Variants in GLCE observed in about 807,000 individuals in gnomAD.
GLCE encodes the protein D-glucuronyl C5-epimerase.
A neutral mutation model predicts 47.9 loss-of-function variants in GLCE; 19 were observed. The observed-to-expected ratio is 0.40, with a 90% confidence interval of 0.28 to 0.58. GLCE has a LOEUF of 0.58. Among genes scored for constraint, GLCE ranks in the 20% least tolerant of loss-of-function variants. The pLI is 0.48. For missense variants in GLCE, 556 were observed against 743.3 expected (o/e 0.75, Z 2.93); for synonymous variants, 245 against 263.4 (o/e 0.93, Z 0.68).
chr15:69,257,689 C>T (rs1324064866), intron 3 of GLCE, among the ~76,000 whole-genome samples: 3 of 152,002 alleles, frequency 2.0e-5, no homozygotes, highest in Non-Finnish European at 4.4e-5. Flanking sequence ...ACCAGATTCA[C>T]CTATACTCTT....
chr15:69,203,123 A>C (rs188190728), intron 1 of GLCE, among the ~76,000 whole-genome samples: 6 of 152,254 alleles, frequency 3.9e-5, no homozygotes, highest in Non-Finnish European at 7.4e-5. Context: ...CTGTGAACTT[A>C]GCATTTCAGT....
intron 2 of GLCE, 91 bp from the exon 3 acceptor site, chr15:69,255,703 A>G (rs2052910760): frequency 2.6e-6 from 2 of 757,600 alleles, no homozygotes; most frequent in African/African-American, 3.5e-5. Flanking sequence ...CAGTTGTTCA[A>G]CATTAAAAAA....
chr15:69,205,061 T>C (rs995701574), intron 1 of GLCE, among the ~76,000 whole-genome samples: 1 of 152,108 alleles, frequency 6.6e-6, no homozygotes, highest in Non-Finnish European at 1.5e-5. Context: ...AGTTGATATA[T>C]TTCAACATGT....
At chr15:69,223,110 T>C (rs987697887) in intron 2 of GLCE, among the ~76,000 whole-genome samples, 2 of 152,228 alleles carry the variant, frequency 1.3e-5, no homozygotes, top group Non-Finnish European at 2.9e-5. Flanking sequence ...AAAGTGAAGT[T>C]ACAGACCATT....
intron 2 of GLCE, among the ~76,000 whole-genome samples, chr15:69,246,762 C>G (rs184632787): frequency 2.6e-5 from 4 of 151,032 alleles, no homozygotes; most frequent in Admixed American, 2.0e-4. Flanking sequence ...GCTTTTTGAT[C>G]TATGGGCTTC....
rs761734152 is a variant in GLCE, at chr15:69,256,253, T to C, written c.447T>C (p.Tyr149=). ...GAAAGGTGGTTCAGTATGATGGCTA[T>C]GATCGGTTTGAATTCTCTCATAGCT... The part of the protein sequence containing the change: ...VYGKVVQYDG[Y]DRFEFSHSYS... Residue 149 remains tyrosine, a synonymous_variant, in exon 3 of 5, where the codon TAT becomes TAC. Coordinates refer to ENST00000261858, the MANE Select transcript of GLCE (RefSeq NM_015554.3). 4 of 1,614,122 alleles carry C rather than the reference T, an allele frequency of 2.5e-6. No individual in the cohort carries two copies. The highest frequency in any genetic ancestry group is 2.2e-5 in the East Asian group (1 of 44,880).
chr15:69,248,184 A>T (rs2052781717), intron 2 of GLCE, among the ~76,000 whole-genome samples: 1 of 152,312 alleles, frequency 6.6e-6, no homozygotes, highest in Middle Eastern at 3.4e-3. Context: ...CTACTTGTTT[A>T]TATTACTGGA....
At chr15:69,256,540 G>C in intron 3 of GLCE, 148 bp downstream of exon 3, 1 of 636,886 alleles carries the variant, frequency 1.6e-6, no homozygotes, top group Non-Finnish European at 2.7e-6. Flanking sequence ...GGTTAAGCCT[G>C]AACCTAGGGC....
Position 69,251,984 on chromosome 15 carries a change from C to A in GLCE, c.-13-3810C>A, listed in dbSNP as rs77199011. On this transcript the variant is annotated intron_variant, in intron 2 of 4. Coordinates refer to ENST00000261858, the MANE Select transcript of GLCE (RefSeq NM_015554.3). ...CTGTCTCCTGCTGCTTTTTTGACAC[C>A]CTTGATTTTTATTTCATTGGTAGTG... 6.3e-3 allele frequency among the ~76,000 whole-genome samples: 962 copies of A among 151,944 alleles called. 10 individuals are homozygous for A. Among genetic ancestry groups the A allele is most frequent in the African/African-American group, 0.022 (920 of 41,422 alleles).
rs1474044138 is a variant in GLCE at position 69,261,319 on chromosome 15, T to C, written c.819T>C (p.Phe273=). The C allele has an allele frequency of 1.9e-6, 3 of 1,613,770 alleles. No homozygotes were observed. The highest frequency in any genetic ancestry group is 1.1e-5 in the South Asian group (1 of 91,068). Residue 273 remains phenylalanine (F), a synonymous_variant, in exon 4 of 5, where the codon TTT becomes TTC. Transcript: ENST00000261858. The part of the protein sequence containing the change: ...DKSRFTNVKQ[F]IAPETSEGVS... ...CTAGATTCACCAATGTCAAACAGTT[T>C]ATTGCACCAGGTAAGTTATGTATTA...
At chr15:69,229,406 C>G (rs781525018) in intron 2 of GLCE, among the ~76,000 whole-genome samples, 11 of 152,038 alleles carry the variant, frequency 7.2e-5, no homozygotes, top group African/African-American at 2.2e-4. Flanking sequence ...TCAGGAATTA[C>G]AAAGGTTTGA....
At chr15:69,212,289 AT>A (rs2052243838) in intron 2 of GLCE, among the ~76,000 whole-genome samples, 2 of 151,988 alleles carry the variant, frequency 1.3e-5, no homozygotes, top group Admixed American at 1.3e-4. Context: ...ATCTATTAAA[AT>A]CATATCTTAA....
chr15:69,211,452 C>G (rs1466544670), intron 2 of GLCE, among the ~76,000 whole-genome samples: 7 of 151,878 alleles, frequency 4.6e-5, no homozygotes, highest in Non-Finnish European at 8.8e-5. Context: ...TAATATAGAA[C>G]TACATTTAGT....
chr15:69,184,516 A>T (rs1292807661), intron 1 of GLCE, among the ~76,000 whole-genome samples: 1 of 152,264 alleles, frequency 6.6e-6, no homozygotes, highest in Non-Finnish European at 1.5e-5. Flanking sequence ...CCAAGAGACC[A>T]TGTTGGTTCT....
chr15:69,243,760 T>A (rs1414385160), intron 2 of GLCE, among the ~76,000 whole-genome samples: 3 of 118,144 alleles, frequency 2.5e-5, no homozygotes, highest in East Asian at 2.7e-4. Context: ...TGCCTTTTTT[T>A]ATTATTATTT....
intron 4 of GLCE, among the ~76,000 whole-genome samples, chr15:69,265,627 T>A (rs921254301): frequency 6.6e-6 from 1 of 152,208 alleles, no homozygotes; most frequent in Admixed American, 6.5e-5. Context: ...CATCGTTCAT[T>A]ACTGAGTTCT....
chr15:69,188,455 A>G (rs1223456577), intron 1 of GLCE, among the ~76,000 whole-genome samples: 6 of 152,040 alleles, frequency 3.9e-5, no homozygotes, highest in Non-Finnish European at 8.8e-5. Flanking sequence ...CTCTTCTTCA[A>G]TTTTCTGGAT....
At chr15:69,237,546 C>T (rs983734321) in intron 2 of GLCE, among the ~76,000 whole-genome samples, 3 of 151,774 alleles carry the variant, frequency 2.0e-5, no homozygotes, top group Non-Finnish European at 4.4e-5. Flanking sequence ...TGCAGTGAGC[C>T]GAGAATGTGC....
At chr15:69,190,080 A>G (rs1279251480) in intron 1 of GLCE, among the ~76,000 whole-genome samples, 1 of 150,254 alleles carries the variant, frequency 6.7e-6, no homozygotes, top group Non-Finnish European at 1.5e-5. Context: ...TTTAGTTTCC[A>G]GATGTTTGGA....
Sources: allele counts gnomAD v4.1 joint callset (sites outside exome capture counted in the v4.1 genomes callset), GRCh38; gene constraint gnomAD v4.1.1; transcripts MANE v1.5; gene names NCBI Gene and HGNC (gene_info 2026-07-23, HGNC 2026-07-21).